The following SLCO3A1 variants were observed in gnomAD, a reference collection of about 807,000 sequenced individuals.
The protein encoded by SLCO3A1 is solute carrier organic anion transporter family member 3A1.
SLCO3A1 carries 27 observed loss-of-function variants against 63.1 expected under a neutral mutation model. The ratio of observed to expected loss-of-function variants is 0.43; its 90% CI spans 0.32 to 0.59. The LOEUF (loss-of-function observed/expected upper bound fraction) is 0.59, where lower values mean the gene tolerates loss of function less well. Ranked by LOEUF, SLCO3A1 falls within the 20% of genes least tolerant of loss-of-function variation. The pLI is 0.09. For missense variants in SLCO3A1, 773 were observed against 945.8 expected (o/e 0.82, Z 2.40); for synonymous variants, 473 against 409.9 (o/e 1.15, Z -1.86).
rs1900085203 is a variant in SLCO3A1 at position 91,954,023 on chromosome 15, TA to T, written c.646+37566del. The stretch of plus-strand genomic sequence containing the variant: ...GGGGTATGTCTATGGATATTTACTG[TA>T]TTAGAAATTAAAACTGAGGATACAC... On this transcript the variant is annotated intron_variant, in intron 2 of 9. Coordinates refer to ENST00000318445, the MANE Select transcript of SLCO3A1 (RefSeq NM_013272.4). The surrounding 1 kb of genome is among the most constrained non-coding windows in gnomAD (Gnocchi z 4.7). Among the ~76,000 whole-genome samples the T allele has an allele frequency of 6.6e-6, 1 of 152,200 alleles. No homozygotes were observed. Among genetic ancestry groups the T allele is most frequent in the Non-Finnish European group, 1.5e-5 (1 of 68,022 alleles).
intron 2 of SLCO3A1, among the ~76,000 whole-genome samples, chr15:92,052,625 C>G (rs541880166): frequency 6.6e-4 from 101 of 152,254 alleles, no homozygotes; most frequent in African/African-American, 2.4e-3. Flanking sequence ...AAAATGCATT[C>G]CCTTATATGC....
chr15:92,146,929 GC>G, intron 7 of SLCO3A1, 54 bp from the exon 8 acceptor site: 2 of 1,514,864 alleles, frequency 1.3e-6, no homozygotes, highest in Admixed American at 4.1e-5. Flanking sequence ...GGATGGCTTT[GC>G]CTTTGGAAAC....
rs1597090170 is a variant in SLCO3A1, at chr15:91,886,011, G to T, written c.181-29982G>T. ...GGCAGGGGAAGATGAAAGCAGAGAG[G>T]TGGGTGGAAGACCAGACCCGGCAGG... On this transcript the variant is annotated intron_variant, in intron 1 of 9. Transcript: ENST00000318445. The surrounding 1 kb of genome is among the most constrained non-coding windows in gnomAD (Gnocchi z 4.9). Among the ~76,000 whole-genome samples the T allele has an allele frequency of 6.6e-6, 1 of 152,130 alleles. No individual in the cohort carries two copies. Among genetic ancestry groups the T allele is most frequent in the Admixed American group, 6.5e-5 (1 of 15,274 alleles).
rs2048460309 is a variant in SLCO3A1, at chr15:92,163,053, C to G, written c.2051C>G (p.Pro684Arg). Reference sequence around the variant, plus strand: ...GACAACCTGGGGAGGGACCCTGTGCCCGCAAACCAGACACATAGGACAAAG... The same window carrying G: ...GACAACCTGGGGAGGGACCCTGTGCGCGCAAACCAGACACATAGGACAAAG... ...TLDNLGRDPV[P>R]ANQTHRTKFI... Residue 684 changes from proline to arginine, a missense_variant, in exon 10 of 10, where the codon CCC (proline) becomes CGC (arginine). By Grantham distance (103) the Pro-to-Arg change is moderately radical (BLOSUM62 -2). Around this residue, in one of 3 missense-constraint regions of SLCO3A1, gnomAD observed 139 missense variants for 131.4 expected, o/e 1.06. Coordinates refer to ENST00000318445, the MANE Select transcript of SLCO3A1 (RefSeq NM_013272.4). 2 of 1,578,330 alleles carry G rather than the reference C, an allele frequency of 1.3e-6. No homozygotes were observed. Among genetic ancestry groups the G allele is most frequent in the Non-Finnish European group, 1.7e-6 (2 of 1,163,220 alleles).
rs190267232 is a variant in SLCO3A1, at chr15:91,921,955, G to A, written c.646+5497G>A. On this transcript the variant is annotated intron_variant, in intron 2 of 9. Transcript: ENST00000318445. ...TCGTCATGTTGTCCAGGCTGCTCTCGAACTCCTGACCTCAAGTGCTCCGCC... is the reference window on the plus strand; with the variant it reads ...TCGTCATGTTGTCCAGGCTGCTCTCAAACTCCTGACCTCAAGTGCTCCGCC... Among the ~76,000 whole-genome samples, 19 of 151,850 alleles carry A rather than the reference G, an allele frequency of 1.3e-4. No individual in the cohort carries two copies. The East Asian group carries it at 2.7e-3, about 22-fold the overall frequency.
chr15:91,865,450 C>T lies in SLCO3A1; in HGVS notation c.180+11362C>T, dbSNP rs1012503145. 6.6e-6 allele frequency among the ~76,000 whole-genome samples: 1 copy of T among 152,184 alleles called. No homozygotes were observed. Among genetic ancestry groups the T allele is most frequent in the African/African-American group, 2.4e-5 (1 of 41,450 alleles). On this transcript the variant is annotated intron_variant, in intron 1 of 9. Coordinates refer to ENST00000318445, the MANE Select transcript of SLCO3A1 (RefSeq NM_013272.4). This position sits in a 1 kb window ranked among gnomAD's most constrained non-coding sequence, Gnocchi z 4.6. ...CAGGTCTATTCATTAACTAGGGCTG[C>T]TGTAACAAATTACCACAAACTGGGT...
chr15:91,857,069 T>TGTGTGA (rs1307987594), intron 1 of SLCO3A1, among the ~76,000 whole-genome samples: 4 of 107,566 alleles, frequency 3.7e-5, no homozygotes, highest in Non-Finnish European at 6.3e-5. Flanking sequence ...TGTGTGTGTG[T>TGTGTGA]GAGAGAGAGA....
At chr15:92,030,197 G>A (rs1332805129) in intron 2 of SLCO3A1, among the ~76,000 whole-genome samples, 1 of 152,160 alleles carries the variant, frequency 6.6e-6, no homozygotes, top group African/African-American at 2.4e-5. Context: ...GGGTTAGTTG[G>A]TTTTCAAAAG....
intron 8 of SLCO3A1, among the ~76,000 whole-genome samples, chr15:92,147,614 C>A (rs1324596474): frequency 6.6e-6 from 1 of 152,110 alleles, no homozygotes; most frequent in Non-Finnish European, 1.5e-5. Context: ...GAGCAGGACC[C>A]ACTGAGACCA....
chr15:92,148,314 A>G (rs1225548221), intron 8 of SLCO3A1, among the ~76,000 whole-genome samples: 2 of 152,198 alleles, frequency 1.3e-5, no homozygotes, highest in Non-Finnish European at 2.9e-5. Context: ...AACGCATGGA[A>G]GTACCCAGTG....
intron 2 of SLCO3A1, among the ~76,000 whole-genome samples, chr15:91,962,934 CTGTG>C (rs147806488): frequency 0.035 from 5,391 of 152,210 alleles, 202 homozygotes; most frequent in African/African-American, 0.091. Flanking sequence ...AGCTGTATGT[CTGTG>C]TGTAAGTGTG....
intron 2 of SLCO3A1, among the ~76,000 whole-genome samples, chr15:91,983,894 A>G (rs537273099): frequency 1.1e-4 from 16 of 152,320 alleles, no homozygotes; most frequent in African/African-American, 3.4e-4. Context: ...TCTGATGTTG[A>G]TCTAGAAGCT....
intron 1 of SLCO3A1, among the ~76,000 whole-genome samples, chr15:91,857,223 G>A (rs1896947481): frequency 6.6e-6 from 1 of 152,226 alleles, no homozygotes; most frequent in East Asian, 1.9e-4. Context: ...CTGGGGGCCT[G>A]CAACTTTTGC....
intron 1 of SLCO3A1, among the ~76,000 whole-genome samples, chr15:91,880,542 G>A (rs1897554949): frequency 6.6e-6 from 1 of 151,930 alleles, no homozygotes; most frequent in African/African-American, 2.4e-5. Context: ...CCCCAGGGCA[G>A]CACTATTCTG....
intron 2 of SLCO3A1, among the ~76,000 whole-genome samples, chr15:91,940,813 G>C (rs1457334334): frequency 6.6e-6 from 1 of 152,190 alleles, no homozygotes; most frequent in Non-Finnish European, 1.5e-5. Context: ...TGGTGAATGA[G>C]CGAATATTCT....
chr15:91,996,830 A>G (rs2046197811), intron 2 of SLCO3A1, among the ~76,000 whole-genome samples: 1 of 152,222 alleles, frequency 6.6e-6, no homozygotes. Context: ...ACCACAGTAT[A>G]AATATATCTA....
At chr15:92,125,739 C>G (rs2047913613) in intron 5 of SLCO3A1, among the ~76,000 whole-genome samples, 1 of 151,878 alleles carries the variant, frequency 6.6e-6, no homozygotes, top group Non-Finnish European at 1.5e-5. Flanking sequence ...TGTCTGTGTT[C>G]CCAGTCTCTC....
intron 2 of SLCO3A1, among the ~76,000 whole-genome samples, chr15:92,016,232 G>A (rs1038424183): frequency 1.4e-5 from 1 of 71,748 alleles, no homozygotes; most frequent in South Asian, 3.9e-4. Flanking sequence ...TAGATAGATA[G>A]ATAGATAGAT....
At position 91,942,869 on chromosome 15, in the gene SLCO3A1, G is replaced by A. The variant is rs1183457206; in HGVS notation, c.646+26411G>A. Among the ~76,000 whole-genome samples the A allele has an allele frequency of 6.6e-6, 1 of 152,186 alleles. No individual in the cohort carries two copies. The highest frequency in any genetic ancestry group is 2.4e-5 in the African/African-American group (1 of 41,450). On this transcript the variant is annotated intron_variant, in intron 2 of 9. Coordinates refer to ENST00000318445, the MANE Select transcript of SLCO3A1 (RefSeq NM_013272.4). The surrounding 1 kb of genome is among the most constrained non-coding windows in gnomAD (Gnocchi z 4.1). ...CATGAGCCACCACACCCAGCCCTTT[G>A]CTGGAAATCTTAAGGGGAGTTCCCC...
Sources: allele counts gnomAD v4.1 joint callset (sites outside exome capture counted in the v4.1 genomes callset), GRCh38; gene constraint gnomAD v4.1.1; regional missense constraint gnomAD v4.1.1; non-coding constraint Gnocchi (gnomAD v3.1); transcripts MANE v1.5; gene names NCBI Gene and HGNC (gene_info 2026-07-23, HGNC 2026-07-21).